Variants in DSE observed in about 807,000 individuals in gnomAD.
DSE encodes dermatan-sulfate epimerase.
In DSE, 36 loss-of-function variants were observed where a neutral mutation model predicts 84.4. The ratio of observed to expected loss-of-function variants is 0.43; its 90% CI spans 0.33 to 0.56. The LOEUF is 0.56. Among genes scored for constraint, DSE ranks in the 20% least tolerant of loss-of-function variants. The pLI is 0.06. For synonymous variants in DSE, 410 were observed against 430.1 expected (o/e 0.95, Z 0.58); for missense variants, 862 against 1,169.6 (o/e 0.74, Z 3.84).
At chr6:116,270,602 C>T (rs1772837510) in intron 2 of DSE, among the ~76,000 whole-genome samples, 1 of 151,966 alleles carries the variant, frequency 6.6e-6, no homozygotes, top group Non-Finnish European at 1.5e-5. Context: ...TTAATTCAGG[C>T]AGTAGATATA....
intron 2 of DSE, among the ~76,000 whole-genome samples, chr6:116,340,689 C>A (rs1334699308): frequency 6.6e-6 from 1 of 151,546 alleles, no homozygotes; most frequent in African/African-American, 2.4e-5. Context: ...CGCCCTGTGT[C>A]CAAGGGTTCT....
At chr6:116,425,662 T>G (rs1369361203) in intron 2 of DSE, among the ~76,000 whole-genome samples, 1 of 147,866 alleles carries the variant, frequency 6.8e-6, no homozygotes, top group Non-Finnish European at 1.5e-5. Context: ...TCGCTGTGTC[T>G]CCCAGGTTGG....
At chr6:116,315,833 A>G (rs917973787) in intron 2 of DSE, among the ~76,000 whole-genome samples, 7 of 152,116 alleles carry the variant, frequency 4.6e-5, no homozygotes, top group African/African-American at 1.7e-4. Context: ...AACCCCATCT[A>G]TACTAAAAAT....
rs760979521 is a variant in DSE, at chr6:116,436,911, C to T, written c.2443C>T (p.Arg815Cys). ...AAAGAAAAACCGAAGGGCAGGCAAA[C>T]GCTATAAATTTGTGGATGCTGTCCC... ...KSKKNRRAGK[R>C]YKFVDAVPDI... The change falls in exon 6 of 6, where the codon CGC becomes TGC. Residue 815 changes from arginine to cysteine, a missense_variant. This residue lies in a region of DSE where 315 missense variants were observed against 348.1 expected (regional missense o/e 0.90). Coordinates refer to ENST00000644252, the MANE Select transcript of DSE (RefSeq NM_013352.4). The T allele has an allele frequency of 2.8e-5, 45 of 1,614,018 alleles. No individual in the cohort carries two copies. Among genetic ancestry groups the T allele is most frequent in the African/African-American group, 4.0e-5 (3 of 74,992 alleles).
chr6:116,368,763 T>C (rs1045626113), upstream of DSE, among the ~76,000 whole-genome samples: 5 of 152,232 alleles, frequency 3.3e-5, no homozygotes, highest in African/African-American at 7.2e-5. Context: ...GTTGGCAAAG[T>C]AAATCTCCTC....
chr6:116,254,329 C>T (rs895717924), intron 1 of DSE: 1 of 580,410 alleles, frequency 1.7e-6, no homozygotes, highest in East Asian at 4.0e-5. Context: ...TTCTAAGCCT[C>T]TGAATGAATT....
At chr6:116,339,876 G>A (rs920395925) in intron 2 of DSE, among the ~76,000 whole-genome samples, 4 of 152,182 alleles carry the variant, frequency 2.6e-5, no homozygotes, top group Non-Finnish European at 5.9e-5. Flanking sequence ...TATTAACCAG[G>A]CAATAGAAAT....
At chr6:116,319,066 A>G (rs1417775707) in intron 2 of DSE, among the ~76,000 whole-genome samples, 1 of 152,318 alleles carries the variant, frequency 6.6e-6, no homozygotes, top group African/African-American at 2.4e-5. Context: ...CTTCAGTTCT[A>G]AGATTCTTTA....
chr6:116,356,405 C>T lies in DSE; in HGVS notation c.-53-42793C>T, dbSNP rs117686905. Among the ~76,000 whole-genome samples the T allele has an allele frequency of 2.4e-4, 36 of 152,314 alleles. No homozygotes were observed. In the East Asian group the frequency reaches 6.4e-3, roughly 27 times the overall value. On this transcript the variant is annotated intron_variant, in intron 2 of 3. Transcript: ENST00000430252. ...AGCTAGTCAAGATTTCAAAGACTTA[C>T]ACTAAAACCATAATGTTTTGGACAT...
rs1332693129 is a variant in DSE, at chr6:116,441,828, A to G, written c.*4483A>G. ...TTAACAAATAACGAATGACAATAAC[A>G]TGTTTACAGAGCATCTACTATATGC... On this transcript the variant is annotated 3_prime_UTR_variant, in exon 6 of 6. Transcript: ENST00000644252. The G allele has an allele frequency of 5.3e-5, 8 of 152,362 alleles. No homozygotes were observed. In the South Asian group the frequency reaches 1.2e-3, roughly 24 times the overall value. 9.4% of individuals were successfully genotyped at this position (152,362 alleles called of 1,614,324 possible). A position where few individuals can be genotyped will look rare whatever the true frequency, so the allele number is the denominator to read the frequency against.
chr6:116,389,778 A>G (rs1023119852), intron 1 of DSE, among the ~76,000 whole-genome samples: 4 of 152,356 alleles, frequency 2.6e-5, no homozygotes, highest in Non-Finnish European at 4.4e-5. Context: ...AGAGAGCCAT[A>G]GCTTGTCCTT....
chr6:116,410,463 G>A (rs552426445), intron 2 of DSE, among the ~76,000 whole-genome samples: 6 of 152,194 alleles, frequency 3.9e-5, no homozygotes, highest in Admixed American at 2.0e-4. Context: ...GCCGAGCGTG[G>A]TGGCTCACGC....
intron 2 of DSE, among the ~76,000 whole-genome samples, chr6:116,321,779 T>C (rs1776342158): frequency 6.6e-6 from 1 of 152,072 alleles, no homozygotes; most frequent in South Asian, 2.1e-4. Flanking sequence ...CATCTCAAAA[T>C]AAATAAACAA....
chr6:116,345,525 A>G (rs899856946), intron 2 of DSE, among the ~76,000 whole-genome samples: 1 of 152,234 alleles, frequency 6.6e-6, no homozygotes, highest in African/African-American at 2.4e-5. Flanking sequence ...ACTACTGGGT[A>G]CATAACGAAA....
chr6:116,308,217 G>A (rs1490949475), intron 2 of DSE, among the ~76,000 whole-genome samples: 3 of 152,120 alleles, frequency 2.0e-5, no homozygotes, highest in South Asian at 2.1e-4. Flanking sequence ...AACTAATACT[G>A]CCTGTTATAT....
intron 2 of DSE, among the ~76,000 whole-genome samples, chr6:116,341,706 C>T (rs778180844): frequency 7.2e-5 from 11 of 152,208 alleles, no homozygotes; most frequent in Non-Finnish European, 1.5e-4. Context: ...CAGCTTTCTA[C>T]ATTTGGCTAG....
At chr6:116,368,955 T>TG (rs1158192217), upstream of DSE, among the ~76,000 whole-genome samples, 3 of 151,802 alleles carry the variant, frequency 2.0e-5, no homozygotes, top group East Asian at 5.8e-4. Flanking sequence ...GGGGGGGCTT[T>TG]GCACAAAGTG....
chr6:116,358,451 A>T (rs1380297332), intron 2 of DSE, among the ~76,000 whole-genome samples: 1 of 152,204 alleles, frequency 6.6e-6, no homozygotes, highest in East Asian at 1.9e-4. Flanking sequence ...CAAAGTGGTG[A>T]TGGAATATGC....
chr6:116,323,114 G>A (rs1179548190), intron 2 of DSE, among the ~76,000 whole-genome samples: 1 of 152,160 alleles, frequency 6.6e-6, no homozygotes, highest in Non-Finnish European at 1.5e-5. Flanking sequence ...GTCTGGTTTT[G>A]TTAATGTTAT....
Sources: allele counts gnomAD v4.1 joint callset (sites outside exome capture counted in the v4.1 genomes callset), GRCh38; gene constraint gnomAD v4.1.1; regional missense constraint gnomAD v4.1.1; transcripts MANE v1.5; gene names NCBI Gene and HGNC (gene_info 2026-07-23, HGNC 2026-07-21).